The following RHBDF1 variants were observed in gnomAD, a reference collection of about 807,000 sequenced individuals.
RHBDF1 encodes rhomboid 5 homolog 1.
RHBDF1 carries 80 observed loss-of-function variants against 98.6 expected under a neutral mutation model. The observed-to-expected ratio is 0.81, with a 90% CI of 0.68 to 0.98. RHBDF1 has a LOEUF of 0.98. Among genes scored for constraint, RHBDF1 ranks in the 50% least tolerant of loss-of-function variants. The pLI is 0.00. For missense variants in RHBDF1, 1,116 were observed against 1,198.3 expected (o/e 0.93, Z 1.01); for synonymous variants, 512 against 486.8 (o/e 1.05, Z -0.68).
intron 1 of RHBDF1, among the ~76,000 whole-genome samples, chr16:67,111 G>C (rs1203646396): frequency 6.6e-6 from 1 of 152,206 alleles, no homozygotes; most frequent in Admixed American, 6.5e-5. Flanking sequence ...CTGCTGGTAA[G>C]GAATAGCCAG....
chr16:59,558 G>A, intron 14 of RHBDF1, 64 bp from the exon 15 acceptor site: 1 of 1,544,350 alleles, frequency 6.5e-7, no homozygotes, highest in Non-Finnish European at 8.9e-7. Context: ...GGCATCCAGG[G>A]CGAGTTTCAG....
upstream of RHBDF1, chr16:74,079 G>A (rs554662781): frequency 3.0e-6 from 1 of 329,184 alleles, no homozygotes; most frequent in East Asian, 1.7e-4. Flanking sequence ...GGGGTGGAGG[G>A]TAACTCCACC....
chr16:61,521 G>C (rs902261375), intron 9 of RHBDF1, 62 bp from the exon 10 acceptor site: 1 of 1,610,646 alleles, frequency 6.2e-7, no homozygotes, highest in Admixed American at 1.7e-5. Context: ...CCCAGAGCGG[G>C]TCGGGAGGGG....
At chr16:63,454 G>A in intron 4 of RHBDF1, 133 bp downstream of exon 4, 1 of 797,128 alleles carries the variant, frequency 1.3e-6, no homozygotes, top group Non-Finnish European at 2.0e-6. Context: ...GCCTTCACGA[G>A]CAGGCTGTCT....
intron 3 of RHBDF1, chr16:64,372 GC>G (rs1450085537): frequency 7.2e-7 from 1 of 1,379,432 alleles, no homozygotes; most frequent in Non-Finnish European, 9.6e-7. Flanking sequence ...CTGTGGGAAG[GC>G]CCTGCGGGCA....
Position 61,594 on chromosome 16 carries a change from C to T in RHBDF1, c.1311G>A (p.Thr437=), listed in dbSNP as rs762900783. The T allele has an allele frequency of 1.2e-6, 2 of 1,613,276 alleles. No individual in the cohort carries two copies. Among genetic ancestry groups the T allele is most frequent in the Non-Finnish European group, 1.7e-6 (2 of 1,179,876 alleles). ...IAPVGFSQHE[T]VDSVLRNRGV... ...AGGCACAGGGGCTCACCGAGTCCAC[C>T]GTCTCATGCTGCGAGAAGCCCACGG... The change falls in exon 9 of 18, where the codon ACG becomes ACA. Residue 437 remains threonine, a synonymous_variant. Coordinates refer to ENST00000262316, the MANE Select transcript of RHBDF1 (RefSeq NM_022450.5).
chr16:63,095 G>A lies in RHBDF1; in HGVS notation c.550C>T (p.Pro184Ser), dbSNP rs1897705577. 6.2e-7 allele frequency: 1 copy of A among 1,610,258 alleles called. No individual in the cohort carries two copies. The change falls in exon 5 of 18, where the codon CCG (proline) becomes TCG (serine). Residue 184 changes from proline (P) to serine (S), a missense_variant. Coordinates refer to ENST00000262316, the MANE Select transcript of RHBDF1 (RefSeq NM_022450.5). ...GLSAPHTPVT[P>S]GAASLCSFSS... The stretch of plus-strand genomic sequence containing the variant: ...AAGGAGCAGAGGGAGGCAGCACCCG[G>A]CGTGACGGGAGTGTGTGGGGCACTC...
At chr16:68,678 A>G (rs1897892782) in intron 1 of RHBDF1, among the ~76,000 whole-genome samples, 1 of 151,954 alleles carries the variant, frequency 6.6e-6, no homozygotes, top group African/African-American at 2.4e-5. Flanking sequence ...TGCGGGCAGG[A>G]CTCTCGATGA....
upstream of RHBDF1, among the ~76,000 whole-genome samples, chr16:75,425 G>A (rs117247538): frequency 1.6e-3 from 238 of 152,356 alleles, 4 homozygotes; most frequent in East Asian, 0.029. Flanking sequence ...CAGACCCTGG[G>A]CTTTGGGGAG....
Position 61,825 on chromosome 16 carries a change from C to A in RHBDF1, c.1181G>T (p.Arg394Leu). The A allele has an allele frequency of 6.2e-7, 1 of 1,612,622 alleles. No homozygotes were observed. The change falls in exon 8 of 18, where the codon CGC (arginine) becomes CTC (leucine). Residue 394 changes from arginine to leucine, a missense_variant. Coordinates refer to ENST00000262316, the MANE Select transcript of RHBDF1 (RefSeq NM_022450.5). ...GTGGTCGTCCATGTCCTCGATCTGG[C>A]GCTTGACGAAGCTGTCGATGCGCTT... Reference protein sequence around the residue: ...YRKRIDSFVKRQIEDMDDHRP... With the variant: ...YRKRIDSFVKLQIEDMDDHRP...
upstream of RHBDF1, among the ~76,000 whole-genome samples, chr16:72,851 G>A (rs1037937053): frequency 6.6e-6 from 1 of 152,200 alleles, no homozygotes; most frequent in Non-Finnish European, 1.5e-5. Flanking sequence ...GGAGCGGACC[G>A]CAGTGTCAGC....
chr16:60,889 G>A, intron 11 of RHBDF1: 1 of 592,150 alleles, frequency 1.7e-6, no homozygotes, highest in South Asian at 2.1e-5. Context: ...GACACATGCT[G>A]GAAGAGTACA....
intron 3 of RHBDF1, chr16:64,022 CG>C: frequency 1.4e-6 from 1 of 701,986 alleles, no homozygotes; most frequent in East Asian, 2.8e-5. Context: ...TGGCCTTGCC[CG>C]GTTGAGTGCT....
intron 7 of RHBDF1, 107 bp downstream of exon 7, chr16:62,431 G>C: frequency 7.0e-7 from 1 of 1,433,918 alleles, no homozygotes; most frequent in Non-Finnish European, 9.5e-7. Context: ...CAGTCCCTGA[G>C]GCTACCCCTT....
At position 58,206 on chromosome 16, in the gene RHBDF1, G is replaced by A; in HGVS notation, c.*134C>T. 3.8e-6 allele frequency: 3 copies of A among 792,818 alleles called. No homozygotes were observed. Among genetic ancestry groups the A allele is most frequent in the Non-Finnish European group, 6.0e-6 (3 of 503,852 alleles). The allele number at this position is 792,818 out of a possible 1,614,324, so 49.1% of individuals were successfully genotyped here. A position where few individuals can be genotyped will look rare whatever the true frequency, so the allele number is the denominator to read the frequency against. On this transcript the variant is annotated 3_prime_UTR_variant, in exon 18 of 18. Transcript: ENST00000262316. ...TTCAACAGAAGTGAACAAGGCACAAGAAAGAGGTCTGTGTTCAGGAAACAG... is the reference window on the plus strand; with the variant it reads ...TTCAACAGAAGTGAACAAGGCACAAAAAAGAGGTCTGTGTTCAGGAAACAG...
chr16:60,595 G>A (rs902093315), intron 11 of RHBDF1, 56 bp from the exon 12 acceptor site: 49 of 1,382,438 alleles, frequency 3.5e-5, no homozygotes, highest in South Asian at 7.0e-5. Flanking sequence ...TGAGGGGCAC[G>A]CAGGGAGTCA....
intron 3 of RHBDF1, chr16:64,182 G>A: frequency 8.6e-7 from 1 of 1,160,144 alleles, no homozygotes; most frequent in Admixed American, 2.3e-5. Context: ...CAGGCAGGCT[G>A]TCCACAGCAC....
At position 61,385 on chromosome 16, in the gene RHBDF1, C is replaced by T. The variant is rs1897614162; in HGVS notation, c.1395G>A (p.Ser465=). ...QQENFWIGPS[S]EALIHLGAKF... ...GCCCCGCCCCCAGCCCCGTCCTCAC[C>T]GAGCTGGGCCCGATCCAGAAGTTCT... The change falls in exon 10 of 18, where the codon TCG becomes TCA. Residue 465 remains serine, a splice_region_variant and synonymous_variant. Transcript: ENST00000262316. The T allele has an allele frequency of 1.6e-5, 25 of 1,606,686 alleles. No homozygotes were observed. The highest frequency in any genetic ancestry group is 2.0e-5 in the Non-Finnish European group (24 of 1,177,538).
chr16:62,204 A>ACTG, intron 7 of RHBDF1, 152 bp from the exon 8 acceptor site: 1 of 1,097,284 alleles, frequency 9.1e-7, no homozygotes, highest in East Asian at 2.7e-5. Context: ...AAAAAGCAAC[A>ACTG]CTGCGGGCCT....
Sources: allele counts gnomAD v4.1 joint callset (sites outside exome capture counted in the v4.1 genomes callset), GRCh38; gene constraint gnomAD v4.1.1; transcripts MANE v1.5; gene names NCBI Gene and HGNC (gene_info 2026-07-23, HGNC 2026-07-21).